Variants in CDH11 observed in about 807,000 individuals in gnomAD.
The protein encoded by CDH11 is cadherin 11.
CDH11 carries 11 observed loss-of-function variants against 67.8 expected under a neutral mutation model. The ratio of observed to expected loss-of-function variants is 0.16; its 90% CI spans 0.10 to 0.27. The LOEUF is 0.27. Ranked by LOEUF, CDH11 falls within the 10% of genes least tolerant of loss-of-function variation. The pLI, the probability that CDH11 is intolerant of heterozygous loss-of-function variation, is 1.00. For missense variants in CDH11, 847 were observed against 1,031.2 expected (o/e 0.82, Z 2.45); for synonymous variants, 419 against 400.0 (o/e 1.05, Z -0.57).
chr16:64,950,777 G>T lies in CDH11; in HGVS notation c.1884C>A (p.Val628=). The change falls in exon 12 of 13, where the codon GTC becomes GTA. Residue 628 remains valine, a synonymous_variant. Transcript: ENST00000268603. The part of the protein sequence containing the change: ...GALIAILACI[V]ILLVIVVLFV... ...AGGAAGCGCCCTTACCCAGGAGAAT[G>T]ACGATGCAGGCGAGGATGGCGATCA... 6.2e-7 allele frequency: 1 copy of T among 1,613,750 alleles called. No homozygotes were observed.
At chr16:65,075,634 G>A (rs913402808) in intron 1 of CDH11, among the ~76,000 whole-genome samples, 2 of 152,146 alleles carry the variant, frequency 1.3e-5, no homozygotes, top group African/African-American at 4.8e-5. Flanking sequence ...TATTTCAGGA[G>A]ACTCTATTGC....
At chr16:65,024,744 T>C (rs145902942) in intron 2 of CDH11, among the ~76,000 whole-genome samples, 189 of 152,298 alleles carry the variant, frequency 1.2e-3, no homozygotes, top group African/African-American at 3.9e-3. Context: ...CACTAACTCA[T>C]TGTGTAATGT....
At position 64,944,575 on chromosome 16, in the gene CDH11, T is replaced by C. The variant is rs2071162650; in HGVS notation, c.*3028A>G. 4.3e-6 allele frequency: 1 copy of C among 232,416 alleles called. No homozygotes were observed. Among genetic ancestry groups the C allele is most frequent in the South Asian group, 1.8e-4 (1 of 5,526 alleles). The allele number at this position is 232,416 out of a possible 1,614,324, so 14.4% of individuals were successfully genotyped here. ...TTCTCAAAAAGATGTGAAGGATATG[T>C]CACAATGACCCAGGAGCAGTTTCAA... is the stretch of plus-strand genomic sequence containing the variant. On this transcript the variant is annotated 3_prime_UTR_variant, in exon 13 of 13. Coordinates refer to ENST00000268603, the MANE Select transcript of CDH11 (RefSeq NM_001797.4).
chr16:65,101,370 C>T (rs1433625659), intron 1 of CDH11, among the ~76,000 whole-genome samples: 1 of 152,210 alleles, frequency 6.6e-6, no homozygotes, highest in African/African-American at 2.4e-5. Flanking sequence ...TAGTCAAACT[C>T]CCTTTCCTCT....
chr16:64,996,899 C>G (rs925090768), intron 4 of CDH11, among the ~76,000 whole-genome samples: 22 of 152,110 alleles, frequency 1.4e-4, no homozygotes, highest in African/African-American at 5.1e-4. Context: ...AGCCAGAGGA[C>G]AAGTGCCGAA....
intron 11 of CDH11, among the ~76,000 whole-genome samples, chr16:64,969,689 G>A (rs1276313155): frequency 6.6e-6 from 1 of 152,006 alleles, no homozygotes; most frequent in Non-Finnish European, 1.5e-5. Context: ...AGTGAACACA[G>A]GGCTTTTCAT....
chr16:64,962,103 T>C (rs2071689198), intron 11 of CDH11, among the ~76,000 whole-genome samples: 1 of 152,154 alleles, frequency 6.6e-6, no homozygotes, highest in Non-Finnish European at 1.5e-5. Context: ...GTGAAACAAA[T>C]TGCCATTAAT....
At chr16:65,024,382 C>CTTAAAAAACCTTAAAAAAAAAAAAAG (rs2073490639) in intron 2 of CDH11, among the ~76,000 whole-genome samples, 1 of 152,112 alleles carries the variant, frequency 6.6e-6, no homozygotes, top group African/African-American at 2.4e-5. Flanking sequence ...TTAAAAATTC[C>CTTAAAAAACCTTAAAAAAAAAAAAAG]ATTACCCAGG....
intron 1 of CDH11, among the ~76,000 whole-genome samples, chr16:65,057,834 C>T (rs1036982276): frequency 6.6e-6 from 1 of 152,198 alleles, no homozygotes; most frequent in African/African-American, 2.4e-5. Flanking sequence ...AATAAACCCA[C>T]TCCTTTTTCC....
intron 1 of CDH11, among the ~76,000 whole-genome samples, chr16:65,088,897 T>C (rs979052086): frequency 2.6e-5 from 4 of 152,184 alleles, no homozygotes; most frequent in Non-Finnish European, 5.9e-5. Flanking sequence ...GCTCATCTCA[T>C]TCCACCCAGG....
At chr16:64,965,250 C>T (rs1476492518) in intron 11 of CDH11, among the ~76,000 whole-genome samples, 2 of 144,642 alleles carry the variant, frequency 1.4e-5, no homozygotes, top group East Asian at 2.1e-4. Flanking sequence ...GGTGTGCTGG[C>T]GGGCGCCTGT....
intron 11 of CDH11, among the ~76,000 whole-genome samples, chr16:64,970,563 A>G (rs1186593893): frequency 1.3e-5 from 2 of 152,152 alleles, no homozygotes; most frequent in East Asian, 1.9e-4. Context: ...TGTGGAAAGG[A>G]TCTTGGCATG....
chr16:65,050,039 A>G (rs1429561833), intron 2 of CDH11, among the ~76,000 whole-genome samples: 1 of 152,130 alleles, frequency 6.6e-6, no homozygotes, highest in Non-Finnish European at 1.5e-5. Context: ...TAACTGGGTG[A>G]CCTGCGACCA....
intron 1 of CDH11, among the ~76,000 whole-genome samples, chr16:65,084,235 T>A (rs1218559193): frequency 6.6e-6 from 1 of 152,200 alleles, no homozygotes; most frequent in African/African-American, 2.4e-5. Context: ...ACATCTCTAA[T>A]CCCTGCACTT....
intron 3 of CDH11, among the ~76,000 whole-genome samples, chr16:65,003,399 G>T (rs1404515910): frequency 6.6e-6 from 1 of 151,936 alleles, no homozygotes; most frequent in Non-Finnish European, 1.5e-5. Flanking sequence ...TGGGATTACA[G>T]GCACTCACCA....
intron 11 of CDH11, among the ~76,000 whole-genome samples, chr16:64,955,555 A>G (rs1427462690): frequency 1.3e-5 from 2 of 152,198 alleles, no homozygotes; most frequent in Non-Finnish European, 2.9e-5. Flanking sequence ...CCTGGGCAAC[A>G]TAGCGAGACC....
At chr16:65,027,051 T>C (rs1010596725) in intron 2 of CDH11, among the ~76,000 whole-genome samples, 3 of 152,140 alleles carry the variant, frequency 2.0e-5, no homozygotes, top group Non-Finnish European at 4.4e-5. Context: ...TAGAGGCAAG[T>C]GCCATGTTTC....
At chr16:65,033,738 A>AAAATAAAATAAAATG (rs2073694574) in intron 2 of CDH11, among the ~76,000 whole-genome samples, 1 of 150,698 alleles carries the variant, frequency 6.6e-6, no homozygotes, top group East Asian at 2.0e-4. Flanking sequence ...CTCCATCTCT[A>AAAATAAAATAAAATG]AAATAAAATA....
chr16:64,987,235 G>A (rs2072510343), intron 7 of CDH11: 1 of 152,198 alleles, frequency 6.6e-6, no homozygotes, highest in Admixed American at 6.5e-5. Flanking sequence ...TCACTTGGAA[G>A]TGAATCTTAT....
Sources: allele counts gnomAD v4.1 joint callset (sites outside exome capture counted in the v4.1 genomes callset), GRCh38; gene constraint gnomAD v4.1.1; transcripts MANE v1.5; gene names NCBI Gene and HGNC (gene_info 2026-07-23, HGNC 2026-07-21).